MAP4K5: variants seen among roughly 807,000 people sequenced by gnomAD.
The protein encoded by MAP4K5 is mitogen-activated protein kinase kinase kinase kinase 5.
MAP4K5 carries 82 observed loss-of-function variants against 135.6 expected under a neutral mutation model. That is an observed-to-expected ratio of 0.60 (90% confidence interval 0.51 to 0.73). MAP4K5 has a LOEUF of 0.73. Ranked by LOEUF, MAP4K5 falls within the 30% of genes least tolerant of loss-of-function variation. The probability of loss-of-function intolerance (pLI) is 0.00; values close to 1 mark genes in which losing one functional copy is unlikely to be tolerated. For synonymous variants in MAP4K5, 347 were observed against 335.0 expected (o/e 1.04, Z -0.39); for missense variants, 907 against 1,010.9 (o/e 0.90, Z 1.39).
At chr14:50,489,414 A>T (rs950496272) in intron 3 of MAP4K5, among the ~76,000 whole-genome samples, 1 of 152,200 alleles carries the variant, frequency 6.6e-6, no homozygotes, top group East Asian at 1.9e-4. Flanking sequence ...TGTAAGGATG[A>T]GACTAGTTGA....
At position 50,421,746 on chromosome 14, in the gene MAP4K5, T is replaced by C. The variant is rs560459077; in HGVS notation, c.2453+1375A>G. The stretch of plus-strand genomic sequence containing the variant: ...ATACGAACAGGGAAGGGAAAAGTGA[T>C]GCACAAAGCTCTGAGCAGAGTAGGT... On this transcript the variant is annotated intron_variant, in intron 32 of 32. Coordinates refer to ENST00000682126, the MANE Select transcript of MAP4K5 (RefSeq NM_006575.6). 2.1e-3 allele frequency among the ~76,000 whole-genome samples: 325 copies of C among 151,944 alleles called. 3 individuals carry two copies. Among genetic ancestry groups the C allele is most frequent in the Non-Finnish European group, 3.7e-3 (252 of 67,982 alleles).
At chr14:50,428,393 T>A (rs1178945301) in intron 30 of MAP4K5, among the ~76,000 whole-genome samples, 1 of 152,180 alleles carries the variant, frequency 6.6e-6, no homozygotes, top group African/African-American at 2.4e-5. Context: ...GTAGTTGGGA[T>A]TACAGGCACC....
chr14:50,454,832 GTT>G (rs1192336160), intron 14 of MAP4K5, among the ~76,000 whole-genome samples: 1 of 151,818 alleles, frequency 6.6e-6, no homozygotes, highest in Non-Finnish European at 1.5e-5. Flanking sequence ...TGATTCTTAA[GTT>G]TATGTGGGGA....
rs528207604 is a variant in MAP4K5 at position 50,541,569 on chromosome 14, G to A, written c.-94+930C>T. On this transcript the variant is annotated intron_variant, in intron 2 of 8. Transcript: ENST00000555216. ...ACTGCCACCTTGTTCATATCACTTG[G>A]AACTACATAATGTACTACAGAGAAG... 2.0e-5 allele frequency among the ~76,000 whole-genome samples: 3 copies of A among 152,210 alleles called. No homozygotes were observed. In the South Asian group the frequency reaches 6.2e-4, roughly 32 times the overall value.
intron 13 of MAP4K5, among the ~76,000 whole-genome samples, chr14:50,460,009 T>C (rs1381141755): frequency 6.6e-6 from 1 of 152,164 alleles, no homozygotes; most frequent in African/African-American, 2.4e-5. Flanking sequence ...AGACTGACTT[T>C]TCTTTAGTTC....
At chr14:50,459,723 G>A (rs1350809972) in intron 13 of MAP4K5, among the ~76,000 whole-genome samples, 10 of 147,760 alleles carry the variant, frequency 6.8e-5, no homozygotes, top group Admixed American at 6.1e-4. Flanking sequence ...CCTGAGACAG[G>A]GTCTCATTCT....
chr14:50,558,456 A>G (rs1324338244), intron 1 of MAP4K5, among the ~76,000 whole-genome samples: 1 of 152,268 alleles, frequency 6.6e-6, no homozygotes, highest in African/African-American at 2.4e-5. Context: ...TGCTAAAATC[A>G]GTGGATGAAA....
chr14:50,496,291 A>T (rs2037591676), intron 3 of MAP4K5, among the ~76,000 whole-genome samples: 1 of 151,974 alleles, frequency 6.6e-6, no homozygotes, highest in South Asian at 2.1e-4. Flanking sequence ...GTGCCATTGC[A>T]CTCCACCCGG....
Position 50,435,021 on chromosome 14 carries a change from G to C in MAP4K5, c.1927C>G (p.Gln643Glu). The C allele has an allele frequency of 6.2e-7, 1 of 1,611,624 alleles. No homozygotes were observed. Among genetic ancestry groups the C allele is most frequent in the South Asian group, 1.1e-5 (1 of 90,930 alleles). ...TGHKYLCGAL[Q>E]SGIVLLQWYE... ...CACTGAAGTAAAACAATTCCAGACT[G>C]TAAAGCTCCACAGAGGTATTTATGT... The change falls in exon 27 of 33, where the codon CAG (glutamine) becomes GAG (glutamate). Residue 643 changes from glutamine to glutamate, a missense_variant. Gln to Glu is a conservative substitution (Grantham distance 29). This residue lies in a region of MAP4K5 where 690 missense variants were observed against 777.4 expected (regional missense o/e 0.89). Coordinates refer to ENST00000682126, the MANE Select transcript of MAP4K5 (RefSeq NM_006575.6).
chr14:50,440,187 A>G (rs1430966531), intron 22 of MAP4K5, 114 bp from the exon 23 acceptor site: 29 of 857,486 alleles, frequency 3.4e-5, no homozygotes, highest in Non-Finnish European at 4.9e-5. Flanking sequence ...GGTAATTATC[A>G]AACCCTTAAG....
intron 2 of MAP4K5, among the ~76,000 whole-genome samples, chr14:50,540,937 C>T (rs2038552827): frequency 6.6e-6 from 1 of 152,166 alleles, no homozygotes; most frequent in Admixed American, 6.5e-5. Context: ...CTCCTCTTGG[C>T]TTGTGCAATA....
chr14:50,520,995 G>A (rs1180610547), intron 2 of MAP4K5, among the ~76,000 whole-genome samples: 1 of 151,908 alleles, frequency 6.6e-6, no homozygotes, highest in East Asian at 1.9e-4. Flanking sequence ...GCTAATTTTT[G>A]TATTTTTCGT....
chr14:50,456,459 G>C, intron 14 of MAP4K5, 57 bp downstream of exon 14: 1 of 1,220,426 alleles, frequency 8.2e-7, no homozygotes, highest in Non-Finnish European at 1.2e-6. Flanking sequence ...AAACATACAA[G>C]AACACGCAGC....
At chr14:50,456,050 C>G (rs2036588313) in intron 14 of MAP4K5, among the ~76,000 whole-genome samples, 1 of 152,034 alleles carries the variant, frequency 6.6e-6, no homozygotes, top group Non-Finnish European at 1.5e-5. Context: ...AACTGGCTAA[C>G]TACAATATAT....
At chr14:50,450,855 C>T (rs2036468115) in intron 14 of MAP4K5, among the ~76,000 whole-genome samples, 1 of 152,028 alleles carries the variant, frequency 6.6e-6, no homozygotes, top group Non-Finnish European at 1.5e-5. Flanking sequence ...TCCAGATGCT[C>T]AACATTGTAT....
At chr14:50,462,148 T>C (rs1332463834) in intron 13 of MAP4K5, among the ~76,000 whole-genome samples, 1 of 152,204 alleles carries the variant, frequency 6.6e-6, no homozygotes, top group Non-Finnish European at 1.5e-5. Flanking sequence ...AGAAGTCCTT[T>C]TCATGAAAAA....
chr14:50,463,904 A>T (rs2036770253), intron 12 of MAP4K5, 148 bp downstream of exon 12: 2 of 26,652 alleles, frequency 7.5e-5, no homozygotes, highest in Non-Finnish European at 1.5e-4. Context: ...AAAAAAAAAA[A>T]AAAAAAAAAA....
intron 3 of MAP4K5, among the ~76,000 whole-genome samples, chr14:50,487,546 G>A (rs2037392033): frequency 6.6e-6 from 1 of 152,124 alleles, no homozygotes; most frequent in Non-Finnish European, 1.5e-5. Context: ...CCTTTTATTT[G>A]TAACCTGGGA....
At chr14:50,541,602 T>C (rs982076294) in intron 2 of MAP4K5, among the ~76,000 whole-genome samples, 1 of 152,180 alleles carries the variant, frequency 6.6e-6, no homozygotes, top group Non-Finnish European at 1.5e-5. Flanking sequence ...AAGGCTATGA[T>C]GCAAGCTGCC....
Sources: allele counts gnomAD v4.1 joint callset (sites outside exome capture counted in the v4.1 genomes callset), GRCh38; gene constraint gnomAD v4.1.1; regional missense constraint gnomAD v4.1.1; transcripts MANE v1.5; gene names NCBI Gene and HGNC (gene_info 2026-07-23, HGNC 2026-07-21).